LHFPL3: variants seen among roughly 807,000 people sequenced by gnomAD.
LHFPL3 encodes LHFPL tetraspan subfamily member 3, also known as LHFPL tetraspan subfamily member 3 protein.
LHFPL3 carries 5 observed loss-of-function variants against 19.3 expected under a neutral mutation model. The observed-to-expected ratio is 0.26, with a 90% confidence interval of 0.14 to 0.54. The LOEUF is 0.54. LHFPL3 is among the 20% of genes least tolerant of loss of function. The pLI is 0.94. For missense variants in LHFPL3, 249 were observed against 307.4 expected (o/e 0.81, Z 1.42); for synonymous variants, 133 against 126.2 (o/e 1.05, Z -0.36).
intron 1 of LHFPL3, among the ~76,000 whole-genome samples, chr7:104,700,435 T>C (rs921504096): frequency 3.3e-5 from 5 of 152,206 alleles, no homozygotes; most frequent in African/African-American, 1.2e-4. Flanking sequence ...CTCCCTCTCC[T>C]GATCCCACCA....
At chr7:104,706,946 TGCCCAGCTA>T (rs146592967) in intron 1 of LHFPL3, among the ~76,000 whole-genome samples, 47,386 of 151,706 alleles carry the variant, frequency 0.31, 8,105 homozygotes, top group East Asian at 0.64. Flanking sequence ...CAAGACCTGA[TGCCCAGCTA>T]GCCTAGTGTA....
Position 104,824,587 on chromosome 7 carries a change from ATATAAT to A in LHFPL3, c.683-81595_683-81590del, listed in dbSNP as rs1361348941. Among the ~76,000 whole-genome samples, 90 of 77,026 alleles carry A rather than the reference ATATAAT, an allele frequency of 1.2e-3. 1 individual carries two copies. Among genetic ancestry groups the A allele is most frequent in the African/African-American group, 4.6e-3 (86 of 18,858 alleles). 50.5% of individuals were successfully genotyped at this position (77,026 alleles called of 152,430 possible). On this transcript the variant is annotated intron_variant, in intron 2 of 2. Transcript: ENST00000424859. Reference sequence around the variant, plus strand: ...ATATATATTATTTTATATATAATATATATAATTATATATTATATATAATTATATATA... The same window carrying A: ...ATATATATTATTTTATATATAATATATATATATTATATATAATTATATATA...
At chr7:104,743,554 C>T (rs1282252831) in intron 2 of LHFPL3, among the ~76,000 whole-genome samples, 1 of 152,190 alleles carries the variant, frequency 6.6e-6, no homozygotes, top group Non-Finnish European at 1.5e-5. Context: ...CCAACAAAAG[C>T]ATGTGTGTGA....
chr7:104,628,142 A>G (rs952247736), intron 1 of LHFPL3, among the ~76,000 whole-genome samples: 3 of 152,176 alleles, frequency 2.0e-5, no homozygotes, highest in South Asian at 2.1e-4. Context: ...TGGCAATGAC[A>G]GCTGTTCTCA....
At chr7:104,799,600 A>C (rs1790201450) in intron 2 of LHFPL3, 1 of 152,648 alleles carries the variant, frequency 6.6e-6, no homozygotes, top group Admixed American at 6.5e-5. Context: ...ATCACGACAT[A>C]GTAGAGGAAG....
chr7:104,489,849 G>A (rs1011776971), intron 1 of LHFPL3, among the ~76,000 whole-genome samples: 22 of 152,310 alleles, frequency 1.4e-4, no homozygotes, highest in African/African-American at 5.1e-4. Context: ...GATCAGTTCA[G>A]TTTTATCTGG....
intron 1 of LHFPL3, among the ~76,000 whole-genome samples, chr7:104,613,526 A>T (rs891591626): frequency 1.3e-5 from 2 of 152,172 alleles, no homozygotes; most frequent in East Asian, 3.9e-4. Context: ...AAAACTGGCT[A>T]ATGAATGGTA....
chr7:104,463,336 A>G (rs1011375776), intron 1 of LHFPL3, among the ~76,000 whole-genome samples: 4 of 152,104 alleles, frequency 2.6e-5, no homozygotes, highest in Non-Finnish European at 4.4e-5. Context: ...TGGATTATTA[A>G]TTTGAAATCT....
chr7:104,869,806 G>A (rs1256228871), intron 2 of LHFPL3, among the ~76,000 whole-genome samples: 1 of 152,122 alleles, frequency 6.6e-6, no homozygotes, highest in Non-Finnish European at 1.5e-5. Context: ...GTTTATTGCG[G>A]CACTATTCAC....
At chr7:104,701,606 G>T (rs1793102992) in intron 1 of LHFPL3, among the ~76,000 whole-genome samples, 1 of 152,160 alleles carries the variant, frequency 6.6e-6, no homozygotes, top group African/African-American at 2.4e-5. Context: ...AGGAGGGGTT[G>T]GTCTTGCTGT....
intron 1 of LHFPL3, among the ~76,000 whole-genome samples, chr7:104,732,167 A>G (rs1793717120): frequency 6.6e-6 from 1 of 152,102 alleles, no homozygotes; most frequent in African/African-American, 2.4e-5. Context: ...TTCATCAGGG[A>G]TATTGATCTA....
At chr7:104,352,445 G>A (rs141417419) in intron 1 of LHFPL3, among the ~76,000 whole-genome samples, 17 of 151,988 alleles carry the variant, frequency 1.1e-4, no homozygotes, top group African/African-American at 3.1e-4. Context: ...CACTTTCCCC[G>A]CTTTTTTAAA....
At chr7:104,380,508 T>C (rs1790806085) in intron 1 of LHFPL3, among the ~76,000 whole-genome samples, 1 of 151,826 alleles carries the variant, frequency 6.6e-6, no homozygotes, top group Admixed American at 6.6e-5. Flanking sequence ...ATTGAAAGAG[T>C]TCACCACATC....
chr7:104,904,245 T>C (rs372495016), intron 2 of LHFPL3, among the ~76,000 whole-genome samples: 121 of 152,280 alleles, frequency 7.9e-4, no homozygotes, highest in South Asian at 1.9e-3. Context: ...TTTTTTTAAG[T>C]GTGTTGAAAA....
chr7:104,776,040 C>T (rs1050121014), intron 2 of LHFPL3, among the ~76,000 whole-genome samples: 7 of 152,182 alleles, frequency 4.6e-5, no homozygotes, highest in Admixed American at 4.6e-4. Context: ...TTGGGTTTAA[C>T]ATGTAAACTG....
chr7:104,508,828 G>T (rs1272180093), intron 1 of LHFPL3, among the ~76,000 whole-genome samples: 2 of 150,922 alleles, frequency 1.3e-5, no homozygotes, highest in Admixed American at 1.3e-4. Context: ...AAAGAGCTGT[G>T]TTTTTTTTAA....
intron 1 of LHFPL3, among the ~76,000 whole-genome samples, chr7:104,386,698 G>C (rs781575357): frequency 1.1e-4 from 17 of 152,162 alleles, no homozygotes; most frequent in Non-Finnish European, 1.9e-4. Flanking sequence ...AGGACCTCTT[G>C]GCAAAGAATG....
At chr7:104,522,259 T>A (rs200489915) in intron 1 of LHFPL3, among the ~76,000 whole-genome samples, 1 of 151,734 alleles carries the variant, frequency 6.6e-6, no homozygotes, top group South Asian at 2.1e-4. Flanking sequence ...AAATTGGAAA[T>A]CATCATTCTC....
intron 2 of LHFPL3, among the ~76,000 whole-genome samples, chr7:104,768,032 CTT>C (rs1207820052): frequency 6.6e-6 from 1 of 151,718 alleles, no homozygotes; most frequent in Non-Finnish European, 1.5e-5. Flanking sequence ...GATAATGACT[CTT>C]TCAGCAAAGA....
Sources: allele counts gnomAD v4.1 joint callset (sites outside exome capture counted in the v4.1 genomes callset), GRCh38; gene constraint gnomAD v4.1.1; transcripts MANE v1.5; gene names NCBI Gene and HGNC (gene_info 2026-07-23, HGNC 2026-07-21).